NUP88: variants seen among roughly 807,000 people sequenced by gnomAD.
NUP88 encodes nucleoporin 88.
In NUP88, 57 loss-of-function variants were observed where a neutral mutation model predicts 93.9. The observed-to-expected ratio is 0.61, with a 90% CI of 0.49 to 0.76. NUP88 has a LOEUF of 0.76. NUP88 is among the 30% of genes least tolerant of loss of function. The probability of loss-of-function intolerance (pLI) is 0.00; values close to 1 mark genes in which losing one functional copy is unlikely to be tolerated. For synonymous variants in NUP88, 346 were observed against 336.8 expected (o/e 1.03, Z -0.30); for missense variants, 911 against 901.0 (o/e 1.01, Z -0.14).
chr17:5,405,699 A>G (rs1457783842), intron 5 of NUP88, among the ~76,000 whole-genome samples: 1 of 152,240 alleles, frequency 6.6e-6, no homozygotes, highest in African/African-American at 2.4e-5. Context: ...GTCACCTGTG[A>G]GATTTGCTAA....
At chr17:5,388,534 C>T (rs1027474524) in intron 11 of NUP88, 2 of 278,342 alleles carry the variant, frequency 7.2e-6, no homozygotes, top group African/African-American at 2.2e-5. Context: ...GCGATTCACC[C>T]GTCTTGGTCT....
At chr17:5,406,380 G>T (rs550451332) in intron 5 of NUP88, among the ~76,000 whole-genome samples, 2 of 152,150 alleles carry the variant, frequency 1.3e-5, no homozygotes, top group African/African-American at 4.8e-5. Flanking sequence ...GGAAGGCAAC[G>T]GCAAAATAGC....
chr17:5,400,498 A>C (rs1046752746), intron 7 of NUP88, among the ~76,000 whole-genome samples: 1 of 149,638 alleles, frequency 6.7e-6, no homozygotes, highest in Non-Finnish European at 1.5e-5. Context: ...CGTCTCAAAA[A>C]AAAAAAAAAA....
chr17:5,403,747 C>T (rs1913312464), intron 7 of NUP88, among the ~76,000 whole-genome samples: 1 of 152,160 alleles, frequency 6.6e-6, no homozygotes, highest in African/African-American at 2.4e-5. Flanking sequence ...AATAACACTG[C>T]AATGGGCATG....
rs756543366 is a variant in NUP88, at chr17:5,419,570, G to T, written c.81C>A (p.Leu27=). 1 of 1,610,628 alleles carries T rather than the reference G, an allele frequency of 6.2e-7. No homozygotes were observed. The highest frequency in any genetic ancestry group is 8.5e-7 in the Non-Finnish European group (1 of 1,177,684). ...WLPNHVVFLR[L]REGLKNQSPT... The stretch of plus-strand genomic sequence containing the variant: ...GACTCTGGTTTTTCAGTCCCTCCCG[G>T]AGCCGCAAGAACACGACGTGGTTAG... Residue 27 remains leucine, a synonymous_variant, in exon 1 of 17, where the codon CTC becomes CTA. Coordinates refer to ENST00000573584, the MANE Select transcript of NUP88 (RefSeq NM_002532.6).
intron 5 of NUP88, among the ~76,000 whole-genome samples, chr17:5,407,183 A>T (rs1395808281): frequency 6.6e-6 from 1 of 152,144 alleles, no homozygotes; most frequent in African/African-American, 2.4e-5. Context: ...CATCTTTCTA[A>T]TCTTTATGGT....
At chr17:5,417,814 G>A (rs976544108) in intron 1 of NUP88, among the ~76,000 whole-genome samples, 2 of 152,144 alleles carry the variant, frequency 1.3e-5, no homozygotes, top group African/African-American at 4.8e-5. Context: ...ACTCCAGCCT[G>A]GGCAACAGAG....
chr17:5,391,480 G>T, intron 10 of NUP88, 81 bp downstream of exon 10: 1 of 1,093,254 alleles, frequency 9.1e-7, no homozygotes. Flanking sequence ...ATAGCTTCAA[G>T]TTGGTTACTG....
intron 8 of NUP88, among the ~76,000 whole-genome samples, chr17:5,395,538 A>ATT (rs750223599): frequency 1.3e-5 from 2 of 150,564 alleles, no homozygotes; most frequent in South Asian, 4.2e-4. Context: ...TAACAGCTTT[A>ATT]TTTTTTTTTG....
intron 1 of NUP88, among the ~76,000 whole-genome samples, chr17:5,417,389 C>T (rs1005408014): frequency 3.9e-5 from 6 of 152,146 alleles, no homozygotes. Context: ...GATCACTCGA[C>T]CCCTGACAGT....
chr17:5,406,107 C>T (rs1005034430), intron 5 of NUP88, among the ~76,000 whole-genome samples: 5 of 152,232 alleles, frequency 3.3e-5, no homozygotes, highest in Admixed American at 1.3e-4. Flanking sequence ...ATGAGGCAGA[C>T]ATTTAACCAG....
chr17:5,415,262 C>T (rs1727837077), intron 2 of NUP88, among the ~76,000 whole-genome samples: 1 of 152,044 alleles, frequency 6.6e-6, no homozygotes, highest in African/African-American at 2.4e-5. Context: ...TCAGGTGATC[C>T]ACCTGCCTCG....
intron 15 of NUP88, 49 bp downstream of exon 15, chr17:5,386,935 G>C (rs1246200912): frequency 6.2e-7 from 1 of 1,603,592 alleles, no homozygotes; most frequent in Non-Finnish European, 8.5e-7. Context: ...TGTAGAATAA[G>C]TGCTTTAAGA....
intron 6 of NUP88, 62 bp from the exon 7 acceptor site, chr17:5,404,308 A>T: frequency 1.3e-6 from 2 of 1,575,458 alleles, no homozygotes. Flanking sequence ...ACACAATTAA[A>T]AACAGGCAAA....
chr17:5,407,261 C>T lies in NUP88; in HGVS notation c.857+1472G>A, dbSNP rs565402675. Among the ~76,000 whole-genome samples the T allele has an allele frequency of 2.0e-5, 3 of 152,276 alleles. No homozygotes were observed. The South Asian group carries it at 6.2e-4, about 32-fold the overall frequency. The stretch of plus-strand genomic sequence containing the variant: ...GTCTAGTGAATCCTTCAAGTTCAAG[C>T]TTTTGTAATAGCATTTCCTTAAAGT... On this transcript the variant is annotated intron_variant, in intron 5 of 16. Coordinates refer to ENST00000573584, the MANE Select transcript of NUP88 (RefSeq NM_002532.6).
intron 10 of NUP88, among the ~76,000 whole-genome samples, chr17:5,389,508 T>C (rs1021780951): frequency 2.6e-5 from 4 of 152,254 alleles, no homozygotes. Flanking sequence ...TTGGGCGTGG[T>C]GGCTCACGCC....
Position 5,405,350 on chromosome 17 carries a change from T to C in NUP88, c.858-107A>G. The C allele has an allele frequency of 4.6e-6, 4 of 870,714 alleles. No homozygotes were observed. In the South Asian group the frequency reaches 6.9e-5, roughly 15 times the overall value. 53.9% of individuals were successfully genotyped at this position (870,714 alleles called of 1,614,324 possible). A position where few individuals can be genotyped will look rare whatever the true frequency, so the allele number is the denominator to read the frequency against. On this transcript the variant is annotated intron_variant, in intron 5 of 16. Transcript: ENST00000573584. ...TCCTCCAGCTATCATACCTTCATTA[T>C]AAATGTAGTGTATTCCCAATACTCC...
Position 5,386,170 on chromosome 17 carries a change from G to C in NUP88, c.*36C>G, listed in dbSNP as rs1415779859. Reference sequence around the variant, plus strand: ...ACAATATGGGTTTAAGCCTTCAATGGTGTTCAGTTCAGGTGTGAGTCAGCT... The same window carrying C: ...ACAATATGGGTTTAAGCCTTCAATGCTGTTCAGTTCAGGTGTGAGTCAGCT... On this transcript the variant is annotated 3_prime_UTR_variant, in exon 17 of 17. Transcript: ENST00000573584. 9 of 1,519,190 alleles carry C rather than the reference G, an allele frequency of 5.9e-6. No homozygotes were observed. The highest frequency in any genetic ancestry group is 8.1e-6 in the Non-Finnish European group (9 of 1,104,958). 94.1% of individuals were successfully genotyped at this position (1,519,190 alleles called of 1,614,324 possible).
At chr17:5,394,831 T>C in intron 9 of NUP88, 60 bp downstream of exon 9, 1 of 1,141,696 alleles carries the variant, frequency 8.8e-7, no homozygotes, top group South Asian at 1.2e-5. Flanking sequence ...GATACAAACG[T>C]ATCTGAACTG....
Sources: gnomAD v4.1 joint callset for allele counts (sites outside exome capture counted in the v4.1 genomes callset) on GRCh38, gnomAD v4.1.1 for gene constraint, MANE v1.5 for transcripts, NCBI Gene and HGNC (gene_info 2026-07-23, HGNC 2026-07-21) for gene names.